The following PTPRD variants were observed in gnomAD, a reference collection of about 807,000 sequenced individuals.
The protein encoded by PTPRD is receptor-type tyrosine-protein phosphatase delta.
Under a neutral mutation model 214.5 loss-of-function variants are expected in PTPRD, and 34 were observed. The ratio of observed to expected loss-of-function variants is 0.16; its 90% CI spans 0.12 to 0.21. The LOEUF (loss-of-function observed/expected upper bound fraction) is 0.21, where lower values mean the gene tolerates loss of function less well. Among genes scored for constraint, PTPRD ranks in the 10% least tolerant of loss-of-function variants. The probability of loss-of-function intolerance (pLI) is 1.00; values close to 1 mark genes in which losing one functional copy is unlikely to be tolerated. For synonymous variants in PTPRD, 1,128 were observed against 845.7 expected, an observed-to-expected ratio of 1.33 and a Z score of -5.79; for missense variants, 2,545 against 2,398.7, an observed-to-expected ratio of 1.06 and a Z score of -1.27.
At chr9:8,497,642 G>T (rs2097305898) in intron 25 of PTPRD, among the ~76,000 whole-genome samples, 4 of 152,070 alleles carry the variant, frequency 2.6e-5, no homozygotes, top group Admixed American at 2.6e-4. Context: ...CATTATATTT[G>T]ACACTTATAA....
At chr9:8,553,471 A>C (rs560112499) in intron 14 of PTPRD, among the ~76,000 whole-genome samples, 12 of 152,184 alleles carry the variant, frequency 7.9e-5, no homozygotes, top group Non-Finnish European at 1.3e-4. Flanking sequence ...ATTCCACTCT[A>C]AAATAATTAA....
chr9:9,784,588 A>T (rs1373843742), intron 5 of PTPRD, among the ~76,000 whole-genome samples: 1 of 152,014 alleles, frequency 6.6e-6, no homozygotes, highest in Non-Finnish European at 1.5e-5. Flanking sequence ...ATCAAGGTAC[A>T]TCTTATTTCA....
chr9:10,469,471 T>C (rs1228563729), intron 2 of PTPRD, among the ~76,000 whole-genome samples: 1 of 152,146 alleles, frequency 6.6e-6, no homozygotes, highest in Non-Finnish European at 1.5e-5. Flanking sequence ...CTAATTATAC[T>C]AGATTCAGTG....
At chr9:8,740,552 T>C (rs921091257) in intron 11 of PTPRD, among the ~76,000 whole-genome samples, 11 of 152,194 alleles carry the variant, frequency 7.2e-5, no homozygotes, top group South Asian at 6.2e-4. Context: ...AACAAGGTTA[T>C]TGAATTTAAT....
chr9:8,937,636 G>C (rs1291555044), intron 11 of PTPRD, among the ~76,000 whole-genome samples: 1 of 151,994 alleles, frequency 6.6e-6, no homozygotes, highest in Non-Finnish European at 1.5e-5. Context: ...CTCTAACCTT[G>C]ACTTTTTCAC....
chr9:9,145,787 C>T (rs571449521), intron 10 of PTPRD, among the ~76,000 whole-genome samples: 2 of 152,136 alleles, frequency 1.3e-5, no homozygotes, highest in African/African-American at 4.8e-5. Flanking sequence ...TATACTTTTT[C>T]CTTGTTCAAA....
intron 11 of PTPRD, among the ~76,000 whole-genome samples, chr9:8,795,274 C>T (rs1426210871): frequency 1.3e-5 from 2 of 152,072 alleles, no homozygotes; most frequent in Non-Finnish European, 2.9e-5. Flanking sequence ...AAACAATTCT[C>T]CTGCCTCAGC....
At chr9:9,666,914 C>G (rs1027552836) in intron 7 of PTPRD, among the ~76,000 whole-genome samples, 2 of 151,886 alleles carry the variant, frequency 1.3e-5, no homozygotes, top group Non-Finnish European at 2.9e-5. Flanking sequence ...GTATTTAATG[C>G]AAAAGCCTTG....
At chr9:9,947,482 TTATA>T (rs2092838128) in intron 4 of PTPRD, among the ~76,000 whole-genome samples, 2 of 24,006 alleles carry the variant, frequency 8.3e-5, no homozygotes. Flanking sequence ...TATATATATT[TTATA>T]TATATTATAT....
At chr9:8,521,583 A>T (rs1431590324) in intron 19 of PTPRD, 37 bp from the exon 20 acceptor site, 1 of 1,597,120 alleles carries the variant, frequency 6.3e-7, no homozygotes, top group Non-Finnish European at 8.5e-7. Context: ...AACATATACA[A>T]GGCAAGAAAA....
intron 4 of PTPRD, among the ~76,000 whole-genome samples, chr9:9,950,374 T>G (rs1036723603): frequency 6.6e-6 from 1 of 152,170 alleles, no homozygotes; most frequent in African/African-American, 2.4e-5. Context: ...TGGAGAAATT[T>G]CTCACTTTTC....
intron 5 of PTPRD, among the ~76,000 whole-genome samples, chr9:9,851,067 C>G (rs1220909166): frequency 6.6e-6 from 1 of 152,102 alleles, no homozygotes; most frequent in Non-Finnish European, 1.5e-5. Flanking sequence ...AATTGGGGAT[C>G]ACAATACCTA....
In PTPRD at chr9:10,442,940, T is replaced by C. The variant is rs150357122; in HGVS notation, c.-599-101923A>G. 4.6e-5 allele frequency among the ~76,000 whole-genome samples: 7 copies of C among 151,628 alleles called. No individual in the cohort carries two copies. In the East Asian group the frequency reaches 1.4e-3, roughly 29 times the overall value. On this transcript the variant is annotated intron_variant, in intron 2 of 45. Coordinates refer to ENST00000381196, the MANE Select transcript of PTPRD (RefSeq NM_002839.4). ...ATGTATTAGTTGATTGTTGTATGTG[T>C]AGAAATGAATGTATTCACACATGTC...
At chr9:8,883,022 T>C (rs1230955936) in intron 11 of PTPRD, among the ~76,000 whole-genome samples, 1 of 151,958 alleles carries the variant, frequency 6.6e-6, no homozygotes, top group Admixed American at 6.6e-5. Context: ...CCACACATAC[T>C]TTTTTCCCCC....
In PTPRD at chr9:8,437,163, A is replaced by G. The variant is rs1400072964; in HGVS notation, c.3989-474T>C. 4.1e-6 allele frequency: 6 copies of G among 1,459,316 alleles called. No individual in the cohort carries two copies. In the Admixed American group the frequency reaches 1.3e-4, roughly 33 times the overall value. 90.4% of individuals were successfully genotyped at this position (1,459,316 alleles called of 1,614,324 possible). A position where few individuals can be genotyped will look rare whatever the true frequency, so the allele number is the denominator to read the frequency against. On this transcript the variant is annotated intron_variant, in intron 34 of 45. Transcript: ENST00000381196. ...AAAGAGTAGTAGCTTGATAGTAAAC[A>G]TAAAATGACTTATGCATAATCAAGG...
intron 7 of PTPRD, among the ~76,000 whole-genome samples, chr9:9,697,098 G>C (rs536428436): frequency 2.6e-5 from 4 of 152,160 alleles, no homozygotes; most frequent in East Asian, 3.9e-4. Flanking sequence ...TATCCATTTA[G>C]ATTTTTCTTG....
At chr9:10,131,938 T>C (rs1257227727) in intron 3 of PTPRD, among the ~76,000 whole-genome samples, 1 of 152,064 alleles carries the variant, frequency 6.6e-6, no homozygotes, top group Non-Finnish European at 1.5e-5. Flanking sequence ...CTTTAATAAG[T>C]TAGAGGTGAT....
intron 9 of PTPRD, among the ~76,000 whole-genome samples, chr9:9,219,654 C>T (rs761238485): frequency 4.6e-5 from 7 of 152,086 alleles, no homozygotes; most frequent in Non-Finnish European, 1.0e-4. Flanking sequence ...AAGAGCAATC[C>T]CTGTATCAAC....
At chr9:8,643,791 G>C (rs939679018) in intron 12 of PTPRD, among the ~76,000 whole-genome samples, 2 of 152,228 alleles carry the variant, frequency 1.3e-5, no homozygotes, top group Non-Finnish European at 2.9e-5. Context: ...CAAGTGGGGA[G>C]CTGAGGGCAA....
Sources: allele counts gnomAD v4.1 joint callset (sites outside exome capture counted in the v4.1 genomes callset), GRCh38; gene constraint gnomAD v4.1.1; transcripts MANE v1.5; gene names NCBI Gene and HGNC (gene_info 2026-07-23, HGNC 2026-07-21).